The following RNF6 variants were observed in gnomAD, a reference collection of about 807,000 sequenced individuals.
RNF6 encodes the protein E3 ubiquitin-protein ligase RNF6.
In RNF6, 21 loss-of-function variants were observed where a neutral mutation model predicts 50.1. The observed-to-expected ratio is 0.42, with a 90% confidence interval of 0.30 to 0.60. The LOEUF is 0.60. Among genes scored for constraint, RNF6 ranks in the 20% least tolerant of loss-of-function variants. The pLI is 0.20. For synonymous variants in RNF6, 255 were observed against 291.8 expected, an observed-to-expected ratio of 0.87 and a Z score of 1.29; for missense variants, 698 against 838.2, an observed-to-expected ratio of 0.83 and a Z score of 2.07.
chr13:26,217,737 A>C (rs1391462728), intron 4 of RNF6, among the ~76,000 whole-genome samples: 2 of 152,206 alleles, frequency 1.3e-5, no homozygotes, highest in Non-Finnish European at 2.9e-5. Flanking sequence ...CTAAATTTTA[A>C]ATTTAATTTG....
chr13:26,203,158 C>A (rs1057153174), intron 5 of RNF6, among the ~76,000 whole-genome samples: 2 of 152,162 alleles, frequency 1.3e-5, no homozygotes, highest in Non-Finnish European at 2.9e-5. Context: ...TGTAAATTAC[C>A]TCTCGAGAGC....
Position 26,166,317 on chromosome 13 carries a change from C to T in RNF6, n.769-33866G>A, listed in dbSNP as rs563080916. The stretch of plus-strand genomic sequence containing the variant: ...TCAGTCTCTGGTATGTCTTTATCAG[C>T]AGTGTAAAAATGAACTAATACAGAA... On this transcript the variant is annotated intron_variant and non_coding_transcript_variant, in intron 5 of 5. Transcript: ENST00000468480. Among the ~76,000 whole-genome samples the T allele has an allele frequency of 1.4e-4, 21 of 152,230 alleles. No individual in the cohort carries two copies. The South Asian group carries it at 4.4e-3, about 32-fold the overall frequency.
chr13:26,158,063 AATAGATGAAACATGAATGGATAGATGG>A (rs1213174980), intron 5 of RNF6, among the ~76,000 whole-genome samples: 2 of 152,188 alleles, frequency 1.3e-5, no homozygotes, highest in Non-Finnish European at 2.9e-5. Context: ...CAAATGGATG[AATAGATGAAACATGAATGGATAGATGG>A]ATAGATAGAC....
intron 5 of RNF6, among the ~76,000 whole-genome samples, chr13:26,189,415 G>A (rs1292003469): frequency 6.6e-6 from 1 of 152,196 alleles, no homozygotes; most frequent in Non-Finnish European, 1.5e-5. Context: ...CAGGCTTAGT[G>A]TGAGTTGGAA....
At chr13:26,146,905 A>G (rs745352730) in intron 5 of RNF6, among the ~76,000 whole-genome samples, 2 of 152,158 alleles carry the variant, frequency 1.3e-5, no homozygotes, top group African/African-American at 2.4e-5. Context: ...TGCTGTTCTC[A>G]TGATAGAGCT....
intron 5 of RNF6, among the ~76,000 whole-genome samples, chr13:26,195,394 T>C (rs913851483): frequency 6.6e-6 from 1 of 152,000 alleles, no homozygotes; most frequent in Non-Finnish European, 1.5e-5. Context: ...ATTCAAGGAC[T>C]ATGAGACAAT....
At chr13:26,135,527 C>T (rs1870602430) in intron 5 of RNF6, 1 of 152,076 alleles carries the variant, frequency 6.6e-6, no homozygotes, top group Admixed American at 6.5e-5. Context: ...TCTTTATCTG[C>T]CATATCTTTA....
chr13:26,168,967 C>A (rs1233956460), intron 5 of RNF6, among the ~76,000 whole-genome samples: 1 of 152,192 alleles, frequency 6.6e-6, no homozygotes, highest in Non-Finnish European at 1.5e-5. Flanking sequence ...CATGCCACTG[C>A]ACTCCAGACT....
At chr13:26,217,537 C>T (rs556891765) in intron 4 of RNF6, among the ~76,000 whole-genome samples, 6 of 152,296 alleles carry the variant, frequency 3.9e-5, no homozygotes, top group African/African-American at 1.4e-4. Flanking sequence ...AGTGCGTGGA[C>T]CTCCTTCCTA....
In RNF6 at chr13:26,219,670, G is replaced by A. The variant is rs749629146; in HGVS notation, c.-18-3C>T. Reference sequence around the variant, plus strand: ...TTCATCCTGAGATTCCTGGCTTTCTGTTCAAACAATATAAACAACATTCAA... The same window carrying A: ...TTCATCCTGAGATTCCTGGCTTTCTATTCAAACAATATAAACAACATTCAA... On this transcript the variant is annotated splice_region_variant and splice_polypyrimidine_tract_variant and intron_variant, in intron 2 of 4. Transcript: ENST00000381588. The A allele has an allele frequency of 6.2e-7, 1 of 1,609,680 alleles. No homozygotes were observed. Among genetic ancestry groups the A allele is most frequent in the Non-Finnish European group, 8.5e-7 (1 of 1,178,462 alleles).
chr13:26,189,809 C>T (rs1868386048), intron 5 of RNF6, among the ~76,000 whole-genome samples: 1 of 152,202 alleles, frequency 6.6e-6, no homozygotes, highest in African/African-American at 2.4e-5. Flanking sequence ...TTTGCTGTAA[C>T]CACTTCTGTG....
rs960205921 is a variant in RNF6, at chr13:26,222,247, A to C, written c.-346T>G. 1 of 152,274 alleles carries C rather than the reference A, an allele frequency of 6.6e-6. No homozygotes were observed. Among genetic ancestry groups the C allele is most frequent in the Non-Finnish European group, 1.5e-5 (1 of 68,102 alleles). 9.4% of individuals were successfully genotyped at this position (152,274 alleles called of 1,614,324 possible). On this transcript the variant is annotated 5_prime_UTR_variant, in exon 1 of 5. Coordinates refer to ENST00000381588, the MANE Select transcript of RNF6 (RefSeq NM_005977.4). ...GGCAGGCCCCAGCCCTTCTTTCCCG[A>C]CAGCCACGCCGCCCACTTGGCGGCG...
chr13:26,183,769 A>G (rs1195477624), intron 5 of RNF6, among the ~76,000 whole-genome samples: 3 of 151,694 alleles, frequency 2.0e-5, no homozygotes, highest in Non-Finnish European at 4.4e-5. Flanking sequence ...ATTCTGTGCT[A>G]TACTTTTCAC....
At chr13:26,204,496 CA>C (rs71080239) in intron 5 of RNF6, among the ~76,000 whole-genome samples, 18,340 of 68,644 alleles carry the variant, frequency 0.27, 584 homozygotes, top group East Asian at 0.39. Context: ...GACTCCACCT[CA>C]AAAAAAAAAA....
In RNF6 at chr13:26,214,241, A is replaced by G; in HGVS notation, c.1641T>C (p.Thr547=). The change falls in exon 5 of 5, where the codon ACT becomes ACC. Residue 547 remains threonine (T), a synonymous_variant. Coordinates refer to ENST00000381588, the MANE Select transcript of RNF6 (RefSeq NM_005977.4). ...TGGTCTCGTTTTCACCATGCATTTC[A>G]GTGCTGTCTCCTTGGGCCTGCCTGT... ...SQDRQAQGDS[T]EMHGENETTQ... is the part of the protein sequence containing the mutation. 1 of 1,614,128 alleles carries G rather than the reference A, an allele frequency of 6.2e-7. No individual in the cohort carries two copies. Among genetic ancestry groups the G allele is most frequent in the Non-Finnish European group, 8.5e-7 (1 of 1,180,026 alleles).
chr13:26,132,861 G>T (rs1443180143), intron 5 of RNF6, among the ~76,000 whole-genome samples: 1 of 152,104 alleles, frequency 6.6e-6, no homozygotes, highest in African/African-American at 2.4e-5. Flanking sequence ...TCACCAAAAG[G>T]TCTTGTTAAA....
chr13:26,150,997 C>T (rs1485603149), intron 5 of RNF6: 2 of 152,140 alleles, frequency 1.3e-5, no homozygotes, highest in Non-Finnish European at 2.9e-5. Flanking sequence ...CTCAAAGTCA[C>T]ACTACTAGTG....
intron 5 of RNF6, among the ~76,000 whole-genome samples, chr13:26,147,321 T>G (rs976389046): frequency 6.6e-6 from 1 of 152,164 alleles, no homozygotes; most frequent in African/African-American, 2.4e-5. Context: ...AGAGAGGTGA[T>G]GGGGAAGATT....
chr13:26,217,500 G>A (rs776567160), intron 4 of RNF6, among the ~76,000 whole-genome samples: 12 of 152,238 alleles, frequency 7.9e-5, no homozygotes, highest in Non-Finnish European at 1.3e-4. Context: ...GAATGGGAGA[G>A]TAAGCGATAC....
Sources: allele counts gnomAD v4.1 joint callset (sites outside exome capture counted in the v4.1 genomes callset), GRCh38; gene constraint gnomAD v4.1.1; transcripts MANE v1.5; gene names NCBI Gene and HGNC (gene_info 2026-07-23, HGNC 2026-07-21).